Variants in PLCG2 observed in about 807,000 individuals in gnomAD.
PLCG2 encodes 1-phosphatidylinositol 4,5-bisphosphate phosphodiesterase gamma-2.
PLCG2 carries 69 observed loss-of-function variants against 175.6 expected under a neutral mutation model. The ratio of observed to expected loss-of-function variants is 0.39; its 90% CI spans 0.32 to 0.48. The LOEUF is 0.48. Among genes scored for constraint, PLCG2 ranks in the 20% least tolerant of loss-of-function variants. The pLI is 0.91. For missense variants in PLCG2, 1,798 were observed against 1,650.9 expected, an observed-to-expected ratio of 1.09 and a Z score of -1.54; for synonymous variants, 827 against 624.0, an observed-to-expected ratio of 1.33 and a Z score of -4.85.
At chr16:81,858,867 TA>T (rs10706670) in intron 4 of PLCG2, among the ~76,000 whole-genome samples, 152,248 of 152,284 alleles carry the variant, frequency 1, 76,106 homozygotes, top group Non-Finnish European at 1. Flanking sequence ...TTTTGGGGAT[TA>T]AATGACTATC....
At chr16:81,865,506 C>A (rs2143513600) in intron 5 of PLCG2, among the ~76,000 whole-genome samples, 1 of 152,290 alleles carries the variant, frequency 6.6e-6, no homozygotes, top group South Asian at 2.1e-4. Flanking sequence ...TCCCATGTCC[C>A]AGGTGCTTGG....
chr16:81,780,686 A>C (rs1298867092), intron 1 of PLCG2, among the ~76,000 whole-genome samples: 1 of 152,112 alleles, frequency 6.6e-6, no homozygotes, highest in Non-Finnish European at 1.5e-5. Context: ...GCCCTTTTGC[A>C]CTCATTGGGT....
rs761622324 is a variant in PLCG2, at chr16:81,938,879, G to A, written c.3277G>A (p.Glu1093Lys). ...PFVEVEICGA[E>K]YDNNKFKTTV... ...TGTAGAAGTGGAGATCTGTGGAGCC[G>A]AGTATGACAACAACAAGTTCAAGAC... Residue 1093 changes from glutamate (E) to lysine (K), a missense_variant, in exon 29 of 33, where the codon GAG (glutamate) becomes AAG (lysine). By Grantham distance (56) the Glu-to-Lys change is moderately conservative. Transcript: ENST00000564138. The A allele has an allele frequency of 1.2e-6, 2 of 1,612,892 alleles. No individual in the cohort carries two copies. Among genetic ancestry groups the A allele is most frequent in the South Asian group, 1.1e-5 (1 of 90,974 alleles).
intron 21 of PLCG2, among the ~76,000 whole-genome samples, chr16:81,923,226 C>T (rs1433422028): frequency 6.9e-6 from 1 of 144,120 alleles, no homozygotes; most frequent in Non-Finnish European, 1.5e-5. Context: ...GCCCCAAACC[C>T]TAACTCCTAA....
chr16:81,883,637 C>G, intron 9 of PLCG2: 1 of 456,932 alleles, frequency 2.2e-6, no homozygotes, highest in Non-Finnish European at 4.0e-6. Context: ...GGGTGAGGGC[C>G]TGAGGATGGG....
At chr16:81,870,000 G>A (rs1013742062) in intron 6 of PLCG2, among the ~76,000 whole-genome samples, 2 of 152,128 alleles carry the variant, frequency 1.3e-5, no homozygotes, top group Non-Finnish European at 2.9e-5. Context: ...CCATTACAAG[G>A]TTCCTCAGTG....
chr16:81,849,611 A>G (rs1337489538), intron 2 of PLCG2, among the ~76,000 whole-genome samples: 2 of 151,954 alleles, frequency 1.3e-5, no homozygotes, highest in East Asian at 3.9e-4. Flanking sequence ...ATACACATAC[A>G]CACACACAAA....
intron 2 of PLCG2, among the ~76,000 whole-genome samples, chr16:81,825,697 C>T (rs946558048): frequency 6.6e-6 from 1 of 152,222 alleles, no homozygotes; most frequent in African/African-American, 2.4e-5. Context: ...CTTTTGCACT[C>T]ATCTAATAGG....
At chr16:81,782,235 T>C (rs1910769088) in intron 1 of PLCG2, among the ~76,000 whole-genome samples, 1 of 42,238 alleles carries the variant, frequency 2.4e-5, no homozygotes. Flanking sequence ...GCTTATGAGA[T>C]ACAAGAAAAA....
chr16:81,794,768 C>A (rs1014749552), intron 2 of PLCG2, among the ~76,000 whole-genome samples: 2 of 152,172 alleles, frequency 1.3e-5, no homozygotes, highest in African/African-American at 2.4e-5. Flanking sequence ...TATCATCATC[C>A]AGCATAAAGG....
chr16:81,874,673 C>G (rs931956516), intron 7 of PLCG2, among the ~76,000 whole-genome samples: 1 of 152,184 alleles, frequency 6.6e-6, no homozygotes, highest in Non-Finnish European at 1.5e-5. Context: ...AGAACTAAAT[C>G]CAGGGAGTGG....
At chr16:81,897,864 C>A (rs1426851410) in intron 13 of PLCG2, 2 of 455,748 alleles carry the variant, frequency 4.4e-6, no homozygotes, top group Admixed American at 4.7e-5. Flanking sequence ...ATTTTTATTG[C>A]ATTTACTGCA....
chr16:81,774,785 C>G (rs867303412), upstream of PLCG2, among the ~76,000 whole-genome samples: 7 of 151,552 alleles, frequency 4.6e-5, no homozygotes, highest in Middle Eastern at 0.01. Context: ...GTTGCCCAGG[C>G]TGGAATGCAG....
intron 2 of PLCG2, among the ~76,000 whole-genome samples, chr16:81,825,239 A>G (rs1346988544): frequency 2.0e-5 from 3 of 147,052 alleles, no homozygotes; most frequent in African/African-American, 5.0e-5. Flanking sequence ...TTTTTTTCCT[A>G]TTACTGCTCT....
chr16:81,762,568 C>CA (rs71391551), intron 2 of PLCG2, among the ~76,000 whole-genome samples: 283 of 124,984 alleles, frequency 2.3e-3, no homozygotes, highest in East Asian at 0.015. Context: ...GACTCCGTCT[C>CA]AAAAAAAAAA....
chr16:81,827,190 G>T (rs76013251), intron 2 of PLCG2, among the ~76,000 whole-genome samples: 43 of 144,098 alleles, frequency 3.0e-4, no homozygotes, highest in African/African-American at 9.3e-4. Context: ...GGATTGCTGG[G>T]TTTTTTTTTT....
intron 7 of PLCG2, among the ~76,000 whole-genome samples, chr16:81,873,824 C>T (rs868552828): frequency 4.1e-4 from 63 of 152,276 alleles, no homozygotes; most frequent in Middle Eastern, 6.8e-3. Flanking sequence ...GTTTCACCTG[C>T]TACCAGATTA....
chr16:81,944,254 AG>A (rs1445151856), intron 30 of PLCG2, among the ~76,000 whole-genome samples: 4 of 151,204 alleles, frequency 2.6e-5, no homozygotes, highest in Non-Finnish European at 4.4e-5. Context: ...AAGTACAGTC[AG>A]CCCTCTGGAT....
intron 2 of PLCG2, among the ~76,000 whole-genome samples, chr16:81,787,374 G>A (rs933565023): frequency 6.9e-5 from 10 of 144,198 alleles, no homozygotes; most frequent in Non-Finnish European, 1.3e-4. Flanking sequence ...GGAATGCACC[G>A]CCATGCCTGG....
Sources: allele counts gnomAD v4.1 joint callset (sites outside exome capture counted in the v4.1 genomes callset), GRCh38; gene constraint gnomAD v4.1.1; transcripts MANE v1.5; gene names NCBI Gene and HGNC (gene_info 2026-07-23, HGNC 2026-07-21).